Variants in LAMA4 observed in about 807,000 individuals in gnomAD.
LAMA4 encodes the protein laminin subunit alpha-4.
Under a neutral mutation model 207.1 loss-of-function variants are expected in LAMA4, and 127 were observed. The observed-to-expected ratio is 0.61, with a 90% CI of 0.53 to 0.71. LAMA4 has a LOEUF of 0.71. Ranked by LOEUF, LAMA4 falls within the 30% of genes least tolerant of loss-of-function variation. LAMA4 has a pLI of 0.00. For missense variants in LAMA4, 2,093 were observed against 2,246.5 expected (o/e 0.93, Z 1.38); for synonymous variants, 761 against 816.0 (o/e 0.93, Z 1.15).
intron 6 of LAMA4, among the ~76,000 whole-genome samples, chr6:112,190,317 T>C (rs1782941412): frequency 6.6e-6 from 1 of 152,242 alleles, no homozygotes; most frequent in Admixed American, 6.5e-5. Flanking sequence ...CCTTCCTTTC[T>C]GCTGTCATTC....
chr6:112,216,239 A>C, intron 3 of LAMA4, 129 bp downstream of exon 3: 1 of 723,202 alleles, frequency 1.4e-6, no homozygotes, highest in Non-Finnish European at 2.5e-6. Context: ...GAAAAGCTGA[A>C]GGGTGAACAA....
rs893774935 is a variant in LAMA4 at position 112,189,114 on chromosome 6, G to A, written c.810C>T (p.Thr270=). ...FEPPTGMDCP[T]ISCDKCVWDL... is the part of the protein sequence containing the mutation. ...ATCATGTACTGTTATTTTTACTTAT[G>A]GTTGGGCAGTCCATGCCTGTAGGGG... The change falls in exon 7 of 39, where the codon ACC becomes ACT. Residue 270 remains threonine (T), a synonymous_variant. Transcript: ENST00000230538. The A allele has an allele frequency of 6.2e-7, 1 of 1,607,566 alleles. No homozygotes were observed. The highest frequency in any genetic ancestry group is 8.5e-7 in the Non-Finnish European group (1 of 1,174,136).
chr6:112,132,366 C>T (rs1454782881), intron 28 of LAMA4, among the ~76,000 whole-genome samples: 1 of 151,852 alleles, frequency 6.6e-6, no homozygotes, highest in Non-Finnish European at 1.5e-5. Flanking sequence ...TAATGTGAAA[C>T]AAAAAAATCT....
chr6:112,128,527 A>C (rs1778835760), intron 31 of LAMA4, among the ~76,000 whole-genome samples: 1 of 152,146 alleles, frequency 6.6e-6, no homozygotes, highest in Admixed American at 6.6e-5. Flanking sequence ...TGGTAGAGTG[A>C]CTATAGTTAA....
At chr6:112,214,627 C>A (rs1269998975) in intron 3 of LAMA4, among the ~76,000 whole-genome samples, 1 of 152,074 alleles carries the variant, frequency 6.6e-6, no homozygotes, top group Non-Finnish European at 1.5e-5. Flanking sequence ...GTGGAGAAAC[C>A]ATCATTAAGA....
chr6:112,142,440 G>C (rs1779756721), intron 19 of LAMA4, 148 bp from the exon 20 acceptor site: 1 of 778,616 alleles, frequency 1.3e-6, no homozygotes, highest in African/African-American at 1.7e-5. Context: ...TAGTTGAAGA[G>C]AAGACTTAGG....
At chr6:112,216,650 T>C (rs1416222234) in intron 2 of LAMA4, 181 bp from the exon 3 acceptor site, 1 of 624,226 alleles carries the variant, frequency 1.6e-6, no homozygotes, top group Non-Finnish European at 2.9e-6. Flanking sequence ...CAGTGATAGA[T>C]GATGTATATA....
At chr6:112,179,801 C>A (rs1187485707) in intron 9 of LAMA4, 1 of 404,536 alleles carries the variant, frequency 2.5e-6, no homozygotes, top group East Asian at 7.1e-5. Flanking sequence ...CCCTACAGAG[C>A]AAGGCTCCTG....
chr6:112,223,054 A>G (rs1785013292), intron 2 of LAMA4, among the ~76,000 whole-genome samples: 1 of 152,158 alleles, frequency 6.6e-6, no homozygotes. Context: ...TTCTAGAAAT[A>G]AATCTCCTGC....
At chr6:112,189,987 A>G (rs782142956) in intron 6 of LAMA4, among the ~76,000 whole-genome samples, 2 of 152,222 alleles carry the variant, frequency 1.3e-5, no homozygotes, top group African/African-American at 2.4e-5. Flanking sequence ...ATTAACTGGA[A>G]TAGAATTGTG....
intron 18 of LAMA4, among the ~76,000 whole-genome samples, chr6:112,147,645 C>T (rs1378050428): frequency 2.6e-5 from 4 of 152,134 alleles, no homozygotes; most frequent in Non-Finnish European, 5.9e-5. Flanking sequence ...TTCTATAGAA[C>T]TGTATATTCA....
chr6:112,209,005 A>G (rs1353004228), intron 3 of LAMA4, among the ~76,000 whole-genome samples: 2 of 152,166 alleles, frequency 1.3e-5, no homozygotes, highest in Non-Finnish European at 2.9e-5. Context: ...TTGGGGAAAA[A>G]TGAAGGAAAA....
At chr6:112,141,270 G>A (rs1779675832) in intron 21 of LAMA4, 88 bp downstream of exon 21, 3 of 742,914 alleles carry the variant, frequency 4.0e-6, no homozygotes, top group Non-Finnish European at 6.3e-6. Context: ...GACTGTGTAT[G>A]TGTGTGTGTG....
intron 4 of LAMA4, among the ~76,000 whole-genome samples, chr6:112,204,505 C>A (rs576454738): frequency 1.3e-5 from 2 of 150,898 alleles, no homozygotes; most frequent in East Asian, 1.9e-4. Flanking sequence ...TGCAGCTCGA[C>A]GCCTATAAAC....
At chr6:112,225,855 C>T (rs1390847718) in intron 2 of LAMA4, among the ~76,000 whole-genome samples, 5 of 152,206 alleles carry the variant, frequency 3.3e-5, no homozygotes, top group Admixed American at 2.6e-4. Context: ...ATAATTTTGT[C>T]ATTGACATTG....
Position 112,178,159 on chromosome 6 carries a change from A to G in LAMA4, c.1151T>C (p.Leu384Pro). 1 of 1,613,932 alleles carries G rather than the reference A, an allele frequency of 6.2e-7. No homozygotes were observed. The highest frequency in any genetic ancestry group is 8.5e-7 in the Non-Finnish European group (1 of 1,179,822). ...SMDTINHASQ[L>P]VEQAHDMRDK... ...CCTCATATCATGGGCTTGCTCTACC[A>G]GCTGACTTGCGTGGTTAATGGTGTC... is the stretch of plus-strand genomic sequence containing the variant. Residue 384 changes from leucine (L) to proline (P), a missense_variant, in exon 10 of 39, where the codon CTG becomes CCG. Physicochemically the swap from Leu to Pro is moderately conservative, Grantham distance 98. Around this residue, in one of 3 missense-constraint regions of LAMA4, gnomAD observed 1,704 missense variants for 1,788.4 expected, o/e 0.95. Transcript: ENST00000230538.
rs782388708 is a variant in LAMA4, at chr6:112,132,787, T to G, written c.3800A>C (p.Gln1267Pro). The G allele has an allele frequency of 5.0e-6, 8 of 1,613,118 alleles. No individual in the cohort carries two copies. Among genetic ancestry groups the G allele is most frequent in the Non-Finnish European group, 5.9e-6 (7 of 1,179,396 alleles). Residue 1267 changes from glutamine to proline, a missense_variant, in exon 28 of 39, where the codon CAA becomes CCA. Physicochemically the swap from Gln to Pro is moderately conservative, Grantham distance 76. Transcript: ENST00000230538. ...ATAATAGAATAGTAACCCATTTGGTTGTAATGTTCGGAAATTAAAACCTCC... is the reference window on the plus strand; with the variant it reads ...ATAATAGAATAGTAACCCATTTGGTGGTAATGTTCGGAAATTAAAACCTCC... Reference protein sequence around the residue: ...FEGGFNFRTLQPNGLLFYYAS... With the variant: ...FEGGFNFRTLPPNGLLFYYAS...
chr6:112,129,040 C>G lies in LAMA4; in HGVS notation c.4169G>C (p.Arg1390Pro). 6.2e-7 allele frequency: 1 copy of G among 1,612,474 alleles called. No individual in the cohort carries two copies. Among genetic ancestry groups the G allele is most frequent in the Non-Finnish European group, 8.5e-7 (1 of 1,178,728 alleles). ...AGAAGTGTGGACCTTTTCAGTATACCGTTGGAAATCTTCAACCTCCACATC... is the reference window on the plus strand; with the variant it reads ...AGAAGTGTGGACCTTTTCAGTATACGGTTGGAAATCTTCAACCTCCACATC... ...DRDVEVEDFQRYTEKVHTSLY... is the reference protein window; with the variant it reads ...DRDVEVEDFQPYTEKVHTSLY... The change falls in exon 31 of 39, where the codon CGG becomes CCG. Residue 1390 changes from arginine (R) to proline (P), a missense_variant. Arg to Pro is a moderately radical substitution (Grantham distance 103, BLOSUM62 -2). This residue lies in a region of LAMA4 where 1,704 missense variants were observed against 1,788.4 expected (regional missense o/e 0.95). Transcript: ENST00000230538.
At chr6:112,189,530 A>C (rs1287395792) in intron 6 of LAMA4, among the ~76,000 whole-genome samples, 4 of 152,170 alleles carry the variant, frequency 2.6e-5, no homozygotes, top group African/African-American at 4.8e-5. Flanking sequence ...GTTTCACAAG[A>C]TACTAAATGA....
Sources: gnomAD v4.1 joint callset for allele counts (sites outside exome capture counted in the v4.1 genomes callset) on GRCh38, gnomAD v4.1.1 for gene constraint, gnomAD v4.1.1 regional missense constraint, MANE v1.5 for transcripts, NCBI Gene and HGNC (gene_info 2026-07-23, HGNC 2026-07-21) for gene names.